SCRG1: variants seen among roughly 807,000 people sequenced by gnomAD.
SCRG1 encodes the protein stimulator of chondrogenesis 1.
SCRG1 carries 3 observed loss-of-function variants against 7.7 expected under a neutral mutation model. The observed-to-expected ratio is 0.39, with a 90% confidence interval of 0.18 to 1.01. SCRG1 has a LOEUF of 1.01. Among genes scored for constraint, SCRG1 ranks in the 50% least tolerant of loss-of-function variants. The pLI, the probability that SCRG1 is intolerant of heterozygous loss-of-function variation, is 0.36. For missense variants in SCRG1, 110 were observed against 117.2 expected, an observed-to-expected ratio of 0.94 and a Z score of 0.28; for synonymous variants, 46 against 41.2, an observed-to-expected ratio of 1.12 and a Z score of -0.44.
At chr4:173,464,378 T>C in the SCRG1 span, among the ~76,000 whole-genome samples, 2 of 152,294 alleles carry the variant, frequency 1.3e-5, no homozygotes, top group Admixed American at 1.3e-4. Flanking sequence ...GGAAGTTTAG[T>C]TGATGGATTC....
chr4:173,471,379 C>A, the SCRG1 span, among the ~76,000 whole-genome samples: 1 of 152,122 alleles, frequency 6.6e-6, no homozygotes, highest in Non-Finnish European at 1.5e-5. Context: ...GGTATCCTAA[C>A]TTTGGCTTTT....
the SCRG1 span, among the ~76,000 whole-genome samples, chr4:173,484,198 T>C: frequency 1.2e-5 from 1 of 83,290 alleles, no homozygotes; most frequent in African/African-American, 5.2e-5. Flanking sequence ...CTATATTATA[T>C]ATTATATATA....
the SCRG1 span, among the ~76,000 whole-genome samples, chr4:173,461,003 A>G: frequency 6.6e-6 from 1 of 152,176 alleles, no homozygotes; most frequent in Non-Finnish European, 1.5e-5. Flanking sequence ...AGGGGAGAGA[A>G]GAGTGGGAAG....
In SCRG1 at chr4:173,387,235, A is replaced by G. The variant is rs956328816; in HGVS notation, c.*1106T>C. 2 of 152,174 alleles carry G rather than the reference A, an allele frequency of 1.3e-5. No homozygotes were observed. The highest frequency in any genetic ancestry group is 1.3e-4 in the Admixed American group (2 of 15,270). The allele number at this position is 152,174 out of a possible 1,614,324, so 9.4% of individuals were successfully genotyped here. On this transcript the variant is annotated 3_prime_UTR_variant, in exon 3 of 3. Transcript: ENST00000296506. ...GAAAATCTGCCTTGATTTTTAGCAA[A>G]TATCTTAAACTTGAGTTAGCAGCTG...
the SCRG1 span, among the ~76,000 whole-genome samples, chr4:173,426,727 C>T: frequency 6.6e-6 from 1 of 152,184 alleles, no homozygotes; most frequent in Non-Finnish European, 1.5e-5. Flanking sequence ...CCTTGGCCTC[C>T]TAAAGTGCTG....
At chr4:173,488,474 C>G in the SCRG1 span, among the ~76,000 whole-genome samples, 12 of 152,144 alleles carry the variant, frequency 7.9e-5, no homozygotes, top group Non-Finnish European at 1.3e-4. Flanking sequence ...ACTCAAAGAA[C>G]AAAAGGCCTA....
At chr4:173,463,139 C>G in the SCRG1 span, among the ~76,000 whole-genome samples, 1 of 152,138 alleles carries the variant, frequency 6.6e-6, no homozygotes, top group South Asian at 2.1e-4. Context: ...CTAATTTGCC[C>G]TTTGCCTTGA....
the SCRG1 span, among the ~76,000 whole-genome samples, chr4:173,496,882 G>A: frequency 4.5e-3 from 689 of 152,160 alleles, 3 homozygotes; most frequent in African/African-American, 0.016. Flanking sequence ...TGAGGCAGGC[G>A]GATCACAAGG....
At chr4:173,426,541 A>T in the SCRG1 span, among the ~76,000 whole-genome samples, 1 of 152,166 alleles carries the variant, frequency 6.6e-6, no homozygotes, top group Admixed American at 6.5e-5. Context: ...ATCATGGCTC[A>T]ATGCAGCCTC....
chr4:173,391,332 C>G lies in SCRG1; in HGVS notation c.83G>C (p.Cys28Ser). 1 of 1,614,182 alleles carries G rather than the reference C, an allele frequency of 6.2e-7. No individual in the cohort carries two copies. The highest frequency in any genetic ancestry group is 8.5e-7 in the Non-Finnish European group (1 of 1,180,024). Residue 28 changes from cysteine (C) to serine (S), a missense_variant, in exon 2 of 3, where the codon TGC becomes TCC. Physicochemically the swap from Cys to Ser is moderately radical, Grantham distance 112. Coordinates refer to ENST00000296506, the MANE Select transcript of SCRG1 (RefSeq NM_007281.4). ...GTGATCTTTTAGTATCTTTCTGTAG[C>G]AAGAGAGGCGATTTGCAGGCATGGC... is the stretch of plus-strand genomic sequence containing the variant. ...VQAMPANRLS[C>S]YRKILKDHNC... is the part of the protein sequence containing the mutation.
At chr4:173,506,595 C>A in the SCRG1 span, among the ~76,000 whole-genome samples, 1 of 152,194 alleles carries the variant, frequency 6.6e-6, no homozygotes, top group Non-Finnish European at 1.5e-5. The surrounding 1 kb of genome is among the most constrained non-coding windows in gnomAD (Gnocchi z 5.3). Context: ...AAAATCAGTT[C>A]CTTCCCTCCT....
chr4:173,394,454 C>T (rs1304865455), intron 1 of SCRG1, among the ~76,000 whole-genome samples: 3 of 152,096 alleles, frequency 2.0e-5, no homozygotes, highest in Non-Finnish European at 4.4e-5. Flanking sequence ...ACCATCCTGG[C>T]TAACACGGTG....
At chr4:173,485,355 C>T in the SCRG1 span, among the ~76,000 whole-genome samples, 3 of 149,368 alleles carry the variant, frequency 2.0e-5, no homozygotes, top group African/African-American at 5.0e-5. Context: ...TCAGACCTAG[C>T]TGTCTTGCTG....
the SCRG1 span, among the ~76,000 whole-genome samples, chr4:173,413,107 T>A: frequency 6.6e-6 from 1 of 151,312 alleles, no homozygotes; most frequent in African/African-American, 2.4e-5. Flanking sequence ...TCTCATAAGT[T>A]GCATTTCCAA....
At chr4:173,488,626 T>C in the SCRG1 span, among the ~76,000 whole-genome samples, 2 of 152,288 alleles carry the variant, frequency 1.3e-5, no homozygotes, top group South Asian at 2.1e-4. Flanking sequence ...AAGCAACTTG[T>C]TCATGTTGAA....
At chr4:173,439,437 C>T in the SCRG1 span, among the ~76,000 whole-genome samples, 1 of 151,546 alleles carries the variant, frequency 6.6e-6, no homozygotes, top group African/African-American at 2.4e-5. Context: ...ATCACTTGGG[C>T]CTGAGAGGTC....
At chr4:173,442,066 T>G in the SCRG1 span, among the ~76,000 whole-genome samples, 2 of 152,334 alleles carry the variant, frequency 1.3e-5, no homozygotes, top group South Asian at 4.1e-4. Flanking sequence ...TAAAAAGGTT[T>G]AAACATTATC....
the SCRG1 span, among the ~76,000 whole-genome samples, chr4:173,490,816 T>G: frequency 7.5e-4 from 114 of 152,296 alleles, no homozygotes; most frequent in South Asian, 6.8e-3. Context: ...TGGAAGCCTC[T>G]ATTGCCCTGG....
the SCRG1 span, among the ~76,000 whole-genome samples, chr4:173,514,530 A>G: frequency 6.6e-6 from 1 of 152,166 alleles, no homozygotes; most frequent in Non-Finnish European, 1.5e-5. Flanking sequence ...TTACTCATGA[A>G]CTTTAAGTTT....
Sources: gnomAD v4.1 joint callset for allele counts (sites outside exome capture counted in the v4.1 genomes callset) on GRCh38, gnomAD v4.1.1 for gene constraint, Gnocchi (gnomAD v3.1) non-coding constraint, MANE v1.5 for transcripts, NCBI Gene and HGNC (gene_info 2026-07-23, HGNC 2026-07-21) for gene names.